The following EPS8 variants were observed in gnomAD, a reference collection of about 807,000 sequenced individuals.
The protein encoded by EPS8 is epidermal growth factor receptor kinase substrate 8.
A neutral mutation model predicts 103.8 loss-of-function variants in EPS8; 42 were observed. That is an observed-to-expected ratio of 0.40 (90% confidence interval 0.32 to 0.52). The LOEUF is 0.52. EPS8 is among the 20% of genes least tolerant of loss of function. The probability of loss-of-function intolerance (pLI) is 0.40; values close to 1 mark genes in which losing one functional copy is unlikely to be tolerated. For missense variants in EPS8, 969 were observed against 1,005.1 expected, an observed-to-expected ratio of 0.96 and a Z score of 0.49; for synonymous variants, 344 against 344.6, an observed-to-expected ratio of 1.00 and a Z score of 0.02.
chr12:15,622,066 A>G (rs1944869356), intron 20 of EPS8, among the ~76,000 whole-genome samples: 1 of 152,206 alleles, frequency 6.6e-6, no homozygotes, highest in Non-Finnish European at 1.5e-5. Context: ...AAGAAGCAAG[A>G]GACCATCCTG....
chr12:15,654,898 CA>C (rs1945480572), intron 12 of EPS8, among the ~76,000 whole-genome samples: 1 of 152,010 alleles, frequency 6.6e-6, no homozygotes, highest in South Asian at 2.1e-4. Context: ...ACAGCAGAAA[CA>C]AACAGGTGCA....
At position 15,688,483 on chromosome 12, in the gene EPS8, C is replaced by A. The variant is rs1420015571; in HGVS notation, c.-21-5511G>T. 6.6e-6 allele frequency among the ~76,000 whole-genome samples: 1 copy of A among 152,112 alleles called. No individual in the cohort carries two copies. Among genetic ancestry groups the A allele is most frequent in the Non-Finnish European group, 1.5e-5 (1 of 68,024 alleles). On this transcript the variant is annotated intron_variant, in intron 1 of 20. Coordinates refer to ENST00000281172, the MANE Select transcript of EPS8 (RefSeq NM_004447.6). The surrounding 1 kb of genome is among the most constrained non-coding windows in gnomAD (Gnocchi z 5.1). ...CATTTCCCAAGACCAGCCTGGCTTG[C>A]CACGCCCCCATTTTGTGCCTATAAA... is the stretch of plus-strand genomic sequence containing the variant.
chr12:15,627,606 T>C (rs1209906970), intron 18 of EPS8, among the ~76,000 whole-genome samples: 3 of 152,236 alleles, frequency 2.0e-5, no homozygotes, highest in Non-Finnish European at 4.4e-5. Flanking sequence ...CTGGATCTTC[T>C]GACTTTCAGC....
rs556166227 is a variant in EPS8, at chr12:15,780,145, A to G, written c.-22+9016T>C. On this transcript the variant is annotated intron_variant, in intron 1 of 20. Coordinates refer to ENST00000281172, the MANE Select transcript of EPS8 (RefSeq NM_004447.6). The surrounding 1 kb of genome is among the most constrained non-coding windows in gnomAD (Gnocchi z 4.1). Reference sequence around the variant, plus strand: ...AGAAGAGAAGATTTATGCAATTCTTAAACAGGTTTGGTATCTTTATTCTCT... The same window carrying G: ...AGAAGAGAAGATTTATGCAATTCTTGAACAGGTTTGGTATCTTTATTCTCT... 1.3e-5 allele frequency: 2 copies of G among 152,334 alleles called. No individual in the cohort carries two copies. Among genetic ancestry groups the G allele is most frequent in the Admixed American group, 1.3e-4 (2 of 15,302 alleles). The allele number at this position is 152,334 out of a possible 1,614,324, so 9.4% of individuals were successfully genotyped here.
chr12:15,643,356 C>T (rs1945264116), intron 15 of EPS8, among the ~76,000 whole-genome samples: 1 of 152,102 alleles, frequency 6.6e-6, no homozygotes, highest in African/African-American at 2.4e-5. Flanking sequence ...TTATGGCTCA[C>T]AGTTTTTTGC....
At chr12:15,680,098 C>G (rs1460566022) in intron 3 of EPS8, among the ~76,000 whole-genome samples, 19 of 151,992 alleles carry the variant, frequency 1.3e-4, no homozygotes, top group Admixed American at 1.2e-3. Context: ...AAACTGAAAC[C>G]AACAACAATC....
rs1197485571 is a variant in EPS8 at position 15,669,807 on chromosome 12, G to C, written c.223C>G (p.Leu75Val). The stretch of plus-strand genomic sequence containing the variant: ...GTGATCATAGCATCTTTCCGATCCA[G>C]GACAAAGGTAGTCAAGTGCTTACAA... ...YRVEHLTTFVLDRKDAMITVD... is the reference protein window; with the variant it reads ...YRVEHLTTFVVDRKDAMITVD... Residue 75 changes from leucine to valine, a missense_variant, in exon 5 of 21, where the codon CTG becomes GTG. Transcript: ENST00000281172. 3 of 1,601,606 alleles carry C rather than the reference G, an allele frequency of 1.9e-6. No homozygotes were observed. Among genetic ancestry groups the C allele is most frequent in the Non-Finnish European group, 2.6e-6 (3 of 1,175,954 alleles).
chr12:15,753,926 T>G (rs1384591063), intron 1 of EPS8, among the ~76,000 whole-genome samples: 1 of 152,224 alleles, frequency 6.6e-6, no homozygotes, highest in Non-Finnish European at 1.5e-5. Flanking sequence ...GGGTCACTCA[T>G]GCAAGGAAAG....
chr12:15,713,109 ATT>A lies in EPS8; in HGVS notation c.-21-30139_-21-30138del. On this transcript the variant is annotated intron_variant, in intron 1 of 20. Transcript: ENST00000281172. The surrounding 1 kb of genome is among the most constrained non-coding windows in gnomAD (Gnocchi z 4.8). ...ACACTTCCAACTCTTGCCTAAGATG[ATT>A]TTTTTTTTAAGTTTTAAATGGTGAA... 9 of 447,644 alleles carry A rather than the reference ATT, an allele frequency of 2.0e-5. No homozygotes were observed. Among genetic ancestry groups the A allele is most frequent in the Non-Finnish European group, 2.1e-5 (7 of 339,148 alleles). 27.7% of individuals were successfully genotyped at this position (447,644 alleles called of 1,614,324 possible). A position where few individuals can be genotyped will look rare whatever the true frequency, so the allele number is the denominator to read the frequency against.
chr12:15,666,396 G>A, intron 7 of EPS8, 44 bp downstream of exon 7: 15 of 1,458,400 alleles, frequency 1.0e-5, no homozygotes, highest in Non-Finnish European at 1.4e-5. Context: ...AAAAGCCTTA[G>A]AAACAAATCA....
At chr12:15,672,760 A>C (rs1448831308) in intron 3 of EPS8, among the ~76,000 whole-genome samples, 1 of 152,232 alleles carries the variant, frequency 6.6e-6, no homozygotes, top group Non-Finnish European at 1.5e-5. Flanking sequence ...ACAAAACCAC[A>C]TCTAGAAATA....
chr12:15,663,496 G>A (rs1313736449), intron 8 of EPS8, among the ~76,000 whole-genome samples: 1 of 152,146 alleles, frequency 6.6e-6, no homozygotes, highest in African/African-American at 2.4e-5. Context: ...TAAGTCTTCT[G>A]TTTAGGCTAG....
Position 15,749,452 on chromosome 12 carries a change from T to C in EPS8, c.-22+39709A>G, listed in dbSNP as rs1268790676. ...TGCACATAATAGAGCTCAATAATCATTTGCCTAATGAATAAATCATTTATT... is the reference window on the plus strand; with the variant it reads ...TGCACATAATAGAGCTCAATAATCACTTGCCTAATGAATAAATCATTTATT... On this transcript the variant is annotated intron_variant, in intron 1 of 20. Coordinates refer to ENST00000281172, the MANE Select transcript of EPS8 (RefSeq NM_004447.6). The surrounding 1 kb of genome is among the most constrained non-coding windows in gnomAD (Gnocchi z 4.0). 2.0e-5 allele frequency among the ~76,000 whole-genome samples: 3 copies of C among 152,174 alleles called. No homozygotes were observed. Among genetic ancestry groups the C allele is most frequent in the Non-Finnish European group, 4.4e-5 (3 of 68,034 alleles).
intron 18 of EPS8, among the ~76,000 whole-genome samples, chr12:15,626,011 C>T (rs530445474): frequency 3.8e-4 from 58 of 152,284 alleles, no homozygotes; most frequent in Non-Finnish European, 5.0e-4. Context: ...CCTGAATTCC[C>T]GATCTTCTTC....
intron 10 of EPS8, among the ~76,000 whole-genome samples, chr12:15,659,859 G>A (rs1464414458): frequency 2.0e-5 from 3 of 152,138 alleles, no homozygotes; most frequent in African/African-American, 7.2e-5. Context: ...TGACCTGAAT[G>A]TACCGTTTAA....
At position 15,784,398 on chromosome 12, in the gene EPS8, A is replaced by T. The variant is rs1000489661; in HGVS notation, c.-22+4763T>A. On this transcript the variant is annotated intron_variant, in intron 1 of 20. Transcript: ENST00000281172. The surrounding 1 kb of genome is among the most constrained non-coding windows in gnomAD (Gnocchi z 4.0). ...GGGTATGTGAAAAGATGTTAACATC[A>T]TATGTCATTAGGAAATAGTAAATTA... 2.0e-5 allele frequency among the ~76,000 whole-genome samples: 3 copies of T among 152,202 alleles called. No homozygotes were observed. Among genetic ancestry groups the T allele is most frequent in the Non-Finnish European group, 4.4e-5 (3 of 68,000 alleles).
chr12:15,665,933 T>C (rs1191262793), intron 7 of EPS8, 41 bp from the exon 8 acceptor site: 1 of 1,596,354 alleles, frequency 6.3e-7, no homozygotes, highest in Admixed American at 1.7e-5. Context: ...ACCATCTCTA[T>C]TTCTATAACA....
rs1565530456 is a variant in EPS8, at chr12:15,752,503, T to A, written c.-22+36658A>T. ...TAAATTCCCCTAAAGAGCTGGCCCC[T>A]CTAGCCTAAGTTGAGCCTTTTAGCA... On this transcript the variant is annotated intron_variant, in intron 1 of 20. Coordinates refer to ENST00000281172, the MANE Select transcript of EPS8 (RefSeq NM_004447.6). This position sits in a 1 kb window ranked among gnomAD's most constrained non-coding sequence, Gnocchi z 4.4. Among the ~76,000 whole-genome samples the A allele has an allele frequency of 6.6e-6, 1 of 151,740 alleles. No homozygotes were observed. Among genetic ancestry groups the A allele is most frequent in the Admixed American group, 6.6e-5 (1 of 15,236 alleles).
intron 17 of EPS8, among the ~76,000 whole-genome samples, chr12:15,639,167 TA>T (rs1945186434): frequency 6.6e-6 from 1 of 152,208 alleles, no homozygotes; most frequent in African/African-American, 2.4e-5. Flanking sequence ...TCTCATAGCT[TA>T]CCATGACCTG....
Sources: gnomAD v4.1 joint callset for allele counts (sites outside exome capture counted in the v4.1 genomes callset) on GRCh38, gnomAD v4.1.1 for gene constraint, Gnocchi (gnomAD v3.1) non-coding constraint, MANE v1.5 for transcripts, NCBI Gene and HGNC (gene_info 2026-07-23, HGNC 2026-07-21) for gene names.